The following DNAJB6 variants were observed in gnomAD, a reference collection of about 807,000 sequenced individuals.
The protein encoded by DNAJB6 is DnaJ heat shock protein family (Hsp40) member B6.
In DNAJB6, 16 loss-of-function variants were observed where a neutral mutation model predicts 42.7. The observed-to-expected ratio is 0.37, with a 90% confidence interval of 0.25 to 0.57. The LOEUF is 0.57. Ranked by LOEUF, DNAJB6 falls within the 20% of genes least tolerant of loss-of-function variation. The pLI is 0.74. For synonymous variants in DNAJB6, 170 were observed against 163.5 expected, an observed-to-expected ratio of 1.04 and a Z score of -0.30; for missense variants, 347 against 416.8, an observed-to-expected ratio of 0.83 and a Z score of 1.46.
At chr7:157,406,708 C>G (rs925162383) in intron 8 of DNAJB6, among the ~76,000 whole-genome samples, 1 of 152,294 alleles carries the variant, frequency 6.6e-6, no homozygotes, top group Non-Finnish European at 1.5e-5. Context: ...CTCAGCGGCC[C>G]GGGGTTGGAA....
intron 8 of DNAJB6, among the ~76,000 whole-genome samples, chr7:157,398,011 TCAAAA>T (rs1801678582): frequency 1.3e-5 from 2 of 152,236 alleles, no homozygotes; most frequent in African/African-American, 4.8e-5. Context: ...GACTCTTGTC[TCAAAA>T]CAAACAAAAA....
At chr7:157,414,628 G>C (rs1796067009) in intron 9 of DNAJB6, 1 of 152,294 alleles carries the variant, frequency 6.6e-6, no homozygotes, top group Non-Finnish European at 1.5e-5. Context: ...TGCTCCTGTA[G>C]GGCGGTTAGG....
At chr7:157,373,247 T>C (rs759059760) in intron 5 of DNAJB6, among the ~76,000 whole-genome samples, 2 of 152,186 alleles carry the variant, frequency 1.3e-5, no homozygotes, top group East Asian at 3.9e-4. Context: ...CACTTTAACA[T>C]CATATTTCTA....
intron 5 of DNAJB6, chr7:157,369,097 G>T: frequency 2.7e-6 from 1 of 365,156 alleles, no homozygotes; most frequent in Non-Finnish European, 5.4e-6. Context: ...GCATTTTCAG[G>T]GAAACTGAAG....
chr7:157,416,913 A>G lies in DNAJB6; in HGVS notation c.*815A>G, dbSNP rs532491697. ...TGAACTCATGTTTCAGTTCGCGAAC[A>G]TTGACTCCTTACGAAAGTCACTTCA... On this transcript the variant is annotated 3_prime_UTR_variant, in exon 10 of 10. Transcript: ENST00000262177. 2.6e-5 allele frequency: 4 copies of G among 152,352 alleles called. No homozygotes were observed. The highest frequency in any genetic ancestry group is 1.9e-4 in the East Asian group (1 of 5,192). 9.4% of individuals were successfully genotyped at this position (152,352 alleles called of 1,614,324 possible). A position where few individuals can be genotyped will look rare whatever the true frequency, so the allele number is the denominator to read the frequency against.
chr7:157,337,909 CG>C (rs1798134650), intron 1 of DNAJB6: 1 of 131,450 alleles, frequency 7.6e-6, no homozygotes, highest in Non-Finnish European at 1.6e-5. Context: ...GCTAGTCAGA[CG>C]TAAACTTCTG....
intron 1 of DNAJB6, among the ~76,000 whole-genome samples, chr7:157,346,530 T>G (rs1314451345): frequency 6.6e-6 from 1 of 152,160 alleles, no homozygotes; most frequent in Non-Finnish European, 1.5e-5. Flanking sequence ...TAATATATAG[T>G]TTTATCAGTT....
intron 2 of DNAJB6, among the ~76,000 whole-genome samples, chr7:157,361,023 T>G (rs1799557553): frequency 6.6e-6 from 1 of 152,180 alleles, no homozygotes; most frequent in African/African-American, 2.4e-5. Flanking sequence ...TCTCATCCAT[T>G]GCCAAGTTTT....
At chr7:157,397,226 AGGT>A (rs1302641117) in intron 8 of DNAJB6, among the ~76,000 whole-genome samples, 1 of 152,168 alleles carries the variant, frequency 6.6e-6, no homozygotes, top group Non-Finnish European at 1.5e-5. Context: ...AGCTGCGCTG[AGGT>A]GGTAACAACA....
At chr7:157,343,477 A>T (rs1028216698) in intron 1 of DNAJB6, among the ~76,000 whole-genome samples, 2 of 148,584 alleles carry the variant, frequency 1.3e-5, no homozygotes, top group Admixed American at 1.3e-4. Context: ...AGAAACCACT[A>T]TTTTTTTTTG....
intron 1 of DNAJB6, among the ~76,000 whole-genome samples, chr7:157,346,187 G>A (rs545839324): frequency 1.6e-3 from 245 of 152,174 alleles, no homozygotes; most frequent in African/African-American, 5.4e-3. Context: ...GGAGATGAAG[G>A]CCAGTTAAAA....
At chr7:157,364,039 T>C (rs1347150481) in intron 3 of DNAJB6, among the ~76,000 whole-genome samples, 1 of 152,026 alleles carries the variant, frequency 6.6e-6, no homozygotes, top group Non-Finnish European at 1.5e-5. Context: ...ACCCTGGAAG[T>C]GGGCACTTGG....
intron 8 of DNAJB6, among the ~76,000 whole-genome samples, chr7:157,390,452 C>G (rs1194936486): frequency 2.0e-5 from 3 of 152,218 alleles, no homozygotes; most frequent in African/African-American, 4.8e-5. Context: ...CCTGGTCCTT[C>G]CTCTTCCCCC....
chr7:157,401,829 C>G (rs922271609), intron 8 of DNAJB6, among the ~76,000 whole-genome samples: 1 of 152,294 alleles, frequency 6.6e-6, no homozygotes, highest in Admixed American at 6.5e-5. Flanking sequence ...GCCCTCCTGC[C>G]GCCGTCTCCA....
Position 157,409,882 on chromosome 7 carries a change from C to T in DNAJB6, c.779C>T (p.Pro260Leu), listed in dbSNP as rs539562536. 5 of 1,533,770 alleles carry T rather than the reference C, an allele frequency of 3.3e-6. No homozygotes were observed. The highest frequency in any genetic ancestry group is 2.7e-5 in the African/African-American group (2 of 73,030). The change falls in exon 9 of 10, where the codon CCG (proline) becomes CTG (leucine). Residue 260 changes from proline to leucine, a missense_variant. Around this residue, in one of 3 missense-constraint regions of DNAJB6, gnomAD observed 264 missense variants for 288.0 expected, o/e 0.92. Transcript: ENST00000262177. Reference sequence around the variant, plus strand: ...GCCCAGCCTGCCGGCCTCCGCCCGCCGAAGCCGCCCCGGCCTGCCTCGCTG... The same window carrying T: ...GCCCAGCCTGCCGGCCTCCGCCCGCTGAAGCCGCCCCGGCCTGCCTCGCTG... ...LPAQPAGLRP[P>L]KPPRPASLLR... is the part of the protein sequence containing the mutation.
chr7:157,358,682 A>C (rs3802099), intron 2 of DNAJB6, 45 bp downstream of exon 2: 2 of 1,455,850 alleles, frequency 1.4e-6, no homozygotes, highest in East Asian at 4.5e-5. Flanking sequence ...ACAGTGGTAC[A>C]TTGGTAATTG....
At chr7:157,391,360 A>G (rs899729442) in intron 8 of DNAJB6, among the ~76,000 whole-genome samples, 1 of 152,216 alleles carries the variant, frequency 6.6e-6, no homozygotes, top group African/African-American at 2.4e-5. Flanking sequence ...CAGGCCTCTG[A>G]GAAAGTCAGC....
chr7:157,365,975 G>T (rs201329891), intron 3 of DNAJB6, among the ~76,000 whole-genome samples: 1 of 133,644 alleles, frequency 7.5e-6, no homozygotes, highest in Admixed American at 7.7e-5. Context: ...AGTCCCCCCC[G>T]CGCCTACTCT....
chr7:157,376,028 G>C (rs3802093), intron 5 of DNAJB6, among the ~76,000 whole-genome samples: 3,226 of 152,302 alleles, frequency 0.021, 42 homozygotes, highest in East Asian at 0.054. Context: ...CCGCGGCTGG[G>C]AGTGTGCTGA....
Sources: gnomAD v4.1 joint callset for allele counts (sites outside exome capture counted in the v4.1 genomes callset) on GRCh38, gnomAD v4.1.1 for gene constraint, gnomAD v4.1.1 regional missense constraint, MANE v1.5 for transcripts, NCBI Gene and HGNC (gene_info 2026-07-23, HGNC 2026-07-21) for gene names.